Variants in PALB2 observed in about 807,000 individuals in gnomAD.
PALB2 encodes the protein partner and localizer of BRCA2.
Under a neutral mutation model 107.4 loss-of-function variants are expected in PALB2, and 82 were observed. That is an observed-to-expected ratio of 0.76 (90% CI 0.64 to 0.92). The LOEUF is 0.92. Ranked by LOEUF, PALB2 falls within the 40% of genes least tolerant of loss-of-function variation. The pLI, the probability that PALB2 is intolerant of heterozygous loss-of-function variation, is 0.00. For missense variants in PALB2, 1,374 were observed against 1,379.9 expected, an observed-to-expected ratio of 1.00 and a Z score of 0.07; for synonymous variants, 489 against 496.8, an observed-to-expected ratio of 0.98 and a Z score of 0.21.
chr16:23,613,886 C>A (rs1966630765), intron 11 of PALB2, 118 bp downstream of exon 11: 4 of 744,484 alleles, frequency 5.4e-6, no homozygotes, highest in Non-Finnish European at 9.5e-6. Context: ...ACATTGCTAT[C>A]CAATTTTGAA....
Position 23,630,152 on chromosome 16 carries a change from T to C in PALB2, c.2002A>G (p.Met668Val). 6.2e-7 allele frequency: 1 copy of C among 1,614,206 alleles called. No individual in the cohort carries two copies. The highest frequency in any genetic ancestry group is 8.5e-7 in the Non-Finnish European group (1 of 1,180,038). ...ATAAGGTCCTCTTCTAAGTCCTCCA[T>C]TTCTGTATCCATGCGTTTAGGACTC... ...ELSPKRMDTE[M>V]EDLEEDLIVL... Residue 668 changes from methionine to valine, a missense_variant, in exon 5 of 13, where the codon ATG becomes GTG. By Grantham distance (21) the Met-to-Val change is conservative. Coordinates refer to ENST00000261584, the MANE Select transcript of PALB2 (RefSeq NM_024675.4).
chr16:23,603,710 C>CA, intron 12 of PALB2, 41 bp from the exon 13 acceptor site: 1 of 1,463,400 alleles, frequency 6.8e-7, no homozygotes, highest in Non-Finnish European at 9.4e-7. Flanking sequence ...ATTACATATC[C>CA]AAAAAACAAT....
At chr16:23,626,206 G>A (rs2142352548) in intron 7 of PALB2, 30 bp downstream of exon 7, 1 of 1,613,942 alleles carries the variant, frequency 6.2e-7, no homozygotes, top group Non-Finnish European at 8.5e-7. Flanking sequence ...TGGCTGCAAA[G>A]ATCTCTTTCA....
At chr16:23,610,583 A>C (rs1390433156) in intron 11 of PALB2, among the ~76,000 whole-genome samples, 3 of 151,970 alleles carry the variant, frequency 2.0e-5, no homozygotes, top group African/African-American at 7.2e-5. Context: ...CTGGGATTAC[A>C]GGTGTGAGCC....
At chr16:23,609,822 C>A (rs115535016) in intron 11 of PALB2, among the ~76,000 whole-genome samples, 3,854 of 152,118 alleles carry the variant, frequency 0.025, 67 homozygotes, top group Middle Eastern at 0.088. Flanking sequence ...GGCCACCCAA[C>A]ACTTTTTTTG....
intron 11 of PALB2, among the ~76,000 whole-genome samples, chr16:23,613,019 T>G (rs1040818676): frequency 1.5e-5 from 2 of 132,074 alleles, no homozygotes; most frequent in African/African-American, 5.7e-5. Context: ...TCCCAAAGCG[T>G]TTTTTTTTTT....
At chr16:23,639,890 C>CT (rs914372834) in intron 1 of PALB2, among the ~76,000 whole-genome samples, 21 of 151,248 alleles carry the variant, frequency 1.4e-4, no homozygotes, top group Admixed American at 5.3e-4. Context: ...AAGGAATTTT[C>CT]TTTTTTTTTG....
intron 7 of PALB2, among the ~76,000 whole-genome samples, chr16:23,624,712 T>C (rs1966836966): frequency 6.6e-6 from 1 of 152,210 alleles, no homozygotes; most frequent in Non-Finnish European, 1.5e-5. Flanking sequence ...GGTTTCACCA[T>C]GTTGGTCAGG....
Position 23,622,824 on chromosome 16 carries a change from G to A in PALB2, c.2996+145C>T, listed in dbSNP as rs115175469. 2.2e-3 allele frequency: 1,951 copies of A among 903,114 alleles called. 29 individuals carry two copies. In the African/African-American group the frequency reaches 0.028, roughly 13 times the overall value. The allele number at this position is 903,114 out of a possible 1,614,324, so 55.9% of individuals were successfully genotyped here. On this transcript the variant is annotated intron_variant, in intron 9 of 12. Transcript: ENST00000261584. ...TTCCACCTCACTAACCTGCTTCTAT[G>A]TCATAACCTAGTGTTGATGCGGTAC...
chr16:23,619,886 TCTC>T (rs1487840763), intron 10 of PALB2, among the ~76,000 whole-genome samples: 1 of 152,042 alleles, frequency 6.6e-6, no homozygotes, highest in African/African-American at 2.4e-5. Flanking sequence ...TTCAAGCGAT[TCTC>T]CTACCTCAGC....
At chr16:23,609,830 T>C (rs1468889583) in intron 11 of PALB2, among the ~76,000 whole-genome samples, 2 of 152,124 alleles carry the variant, frequency 1.3e-5, no homozygotes, top group African/African-American at 2.4e-5. Flanking sequence ...AACACTTTTT[T>C]TGGGGGGATA....
intron 4 of PALB2, among the ~76,000 whole-genome samples, chr16:23,633,415 GAA>G (rs1567219974): frequency 6.6e-6 from 1 of 152,174 alleles, no homozygotes; most frequent in Admixed American, 6.5e-5. Context: ...GAGACAGACA[GAA>G]CACAAAGACT....
intron 12 of PALB2, chr16:23,607,526 G>A: frequency 2.9e-6 from 1 of 344,474 alleles, no homozygotes; most frequent in Non-Finnish European, 5.7e-6. Flanking sequence ...AAACTCCTGG[G>A]CTCAAGCTCT....
intron 12 of PALB2, among the ~76,000 whole-genome samples, chr16:23,606,155 G>A (rs1443832288): frequency 1.3e-5 from 2 of 152,014 alleles, no homozygotes; most frequent in Non-Finnish European, 2.9e-5. Flanking sequence ...TAGGGCCAAC[G>A]ACTATCGTTC....
rs1183246199 is a variant in PALB2 at position 23,613,642 on chromosome 16, C to CT, written c.3201+361_3201+362insA. On this transcript the variant is annotated intron_variant, in intron 11 of 12. Transcript: ENST00000261584. ...CTGGGCAACAAGAGCAAAACTCCAT[C>CT]CCAAAAAAAAAAAAAAGTATTTCTG... Among the ~76,000 whole-genome samples, 224 of 148,870 alleles carry CT rather than the reference C, an allele frequency of 1.5e-3. 3 individuals are homozygous for CT. The highest frequency in any genetic ancestry group is 4.0e-3 in the African/African-American group (162 of 40,404).
Position 23,641,306 on chromosome 16 carries a change from C to T in PALB2, c.-149G>A, listed in dbSNP as rs886051832. 1.8e-6 allele frequency: 2 copies of T among 1,121,522 alleles called. No individual in the cohort carries two copies. Among genetic ancestry groups the T allele is most frequent in the Non-Finnish European group, 2.6e-6 (2 of 777,902 alleles). 69.5% of individuals were successfully genotyped at this position (1,121,522 alleles called of 1,614,324 possible). On this transcript the variant is annotated 5_prime_UTR_variant, in exon 1 of 13. Coordinates refer to ENST00000261584, the MANE Select transcript of PALB2 (RefSeq NM_024675.4). Reference sequence around the variant, plus strand: ...TCAGTGCGCGATCAGCTGACCCACGCGGGCCAAGCGCGCCCTAAACTCCGG... The same window carrying T: ...TCAGTGCGCGATCAGCTGACCCACGTGGGCCAAGCGCGCCCTAAACTCCGG...
intron 10 of PALB2, among the ~76,000 whole-genome samples, chr16:23,614,775 C>A (rs1447333478): frequency 2.0e-5 from 3 of 147,482 alleles, no homozygotes; most frequent in Non-Finnish European, 4.5e-5. Context: ...CTCAGCCTCC[C>A]GAGTAGCTGG....
rs876658813 is a variant in PALB2 at position 23,629,665 on chromosome 16, TC to T, written c.2488del (p.Glu830SerfsTer21). On this transcript the variant is annotated frameshift_variant, in exon 5 of 13. Transcript: ENST00000261584. LOFTEE classifies it high-confidence loss of function. Reference sequence around the variant, plus strand: ...CTGTTCGACGGAATGTTTATGCAGCTCCTGGCATGTGTTTCTACAGAGCTGA... The same window carrying T: ...CTGTTCGACGGAATGTTTATGCAGCTCTGGCATGTGTTTCTACAGAGCTGA... Reference protein sequence around the residue: ...ENQLCRNTCQELHKHSVEQTE... With the variant: ...ENQLCRNTCQXLHKHSVEQTE... 9 of 1,614,118 alleles carry T rather than the reference TC, an allele frequency of 5.6e-6. No individual in the cohort carries two copies. In the South Asian group the frequency reaches 9.9e-5, roughly 18 times the overall value.
intron 7 of PALB2, among the ~76,000 whole-genome samples, chr16:23,624,781 G>A (rs1280882376): frequency 6.6e-6 from 1 of 152,168 alleles, no homozygotes; most frequent in African/African-American, 2.4e-5. Context: ...AAAGTGTTGG[G>A]ATTACAGGCG....
Sources: allele counts gnomAD v4.1 joint callset (sites outside exome capture counted in the v4.1 genomes callset), GRCh38; gene constraint gnomAD v4.1.1; transcripts MANE v1.5; gene names NCBI Gene and HGNC (gene_info 2026-07-23, HGNC 2026-07-21).